MACROD2: variants seen among roughly 807,000 people sequenced by gnomAD.
MACROD2 encodes the protein ADP-ribose glycohydrolase MACROD2.
In MACROD2, 36 loss-of-function variants were observed where a neutral mutation model predicts 70.4. That is an observed-to-expected ratio of 0.51 (90% CI 0.39 to 0.68). MACROD2 has a LOEUF of 0.68. MACROD2 is among the 30% of genes least tolerant of loss of function. MACROD2 has a pLI of 0.00. For synonymous variants in MACROD2, 172 were observed against 178.8 expected (o/e 0.96, Z 0.30); for missense variants, 496 against 538.4 (o/e 0.92, Z 0.78).
At chr20:15,266,680 T>TCCCCATCACTCCCAG (rs1169281815) in intron 6 of MACROD2, among the ~76,000 whole-genome samples, 2 of 152,242 alleles carry the variant, frequency 1.3e-5, no homozygotes, top group Admixed American at 6.5e-5. Flanking sequence ...CACACTTCAG[T>TCCCCATCACTCCCAG]GAATCCCCAT....
chr20:15,131,260 G>A (rs764681148), intron 5 of MACROD2, among the ~76,000 whole-genome samples: 11 of 151,928 alleles, frequency 7.2e-5, no homozygotes, highest in Non-Finnish European at 1.3e-4. Context: ...GTAGAAACAA[G>A]GACACATTAT....
intron 2 of MACROD2, among the ~76,000 whole-genome samples, chr20:14,031,292 T>C (rs1473306674): frequency 1.3e-5 from 2 of 152,190 alleles, no homozygotes; most frequent in African/African-American, 2.4e-5. Context: ...TGAAGTACTT[T>C]TTATTTAAAA....
intron 3 of MACROD2, among the ~76,000 whole-genome samples, chr20:14,094,241 T>C (rs2054192293): frequency 6.6e-6 from 1 of 152,190 alleles, no homozygotes; most frequent in Non-Finnish European, 1.5e-5. Flanking sequence ...CCCTCTTTAA[T>C]GGTGGGATGA....
chr20:15,672,778 A>G (rs555567318), intron 8 of MACROD2, among the ~76,000 whole-genome samples: 1 of 152,170 alleles, frequency 6.6e-6, no homozygotes, highest in African/African-American at 2.4e-5. Flanking sequence ...TTGGCCACTG[A>G]TATGGTTTAG....
At chr20:14,785,403 A>T (rs527628281) in intron 5 of MACROD2, among the ~76,000 whole-genome samples, 15 of 151,808 alleles carry the variant, frequency 9.9e-5, no homozygotes, top group Non-Finnish European at 1.8e-4. Flanking sequence ...CTTTAATGGG[A>T]TGATAACCAG....
chr20:14,593,152 T>C (rs1732061814), intron 4 of MACROD2, among the ~76,000 whole-genome samples: 1 of 6,214 alleles, frequency 1.6e-4, no homozygotes, highest in Non-Finnish European at 6.8e-3. Context: ...AAGAAAGAAA[T>C]GATAAAACTT....
intron 5 of MACROD2, among the ~76,000 whole-genome samples, chr20:14,864,028 G>A (rs934248065): frequency 5.9e-5 from 9 of 152,006 alleles, no homozygotes; most frequent in African/African-American, 1.9e-4. Flanking sequence ...CATGATGTAG[G>A]CTATTTCCTG....
chr20:15,763,267 C>T (rs17704829), intron 8 of MACROD2, among the ~76,000 whole-genome samples: 11,935 of 152,240 alleles, frequency 0.078, 659 homozygotes, highest in Middle Eastern at 0.24. Context: ...CCTGATTGCG[C>T]TCAGTGGCAG....
chr20:14,944,782 C>T (rs76248342), intron 5 of MACROD2, among the ~76,000 whole-genome samples: 1 of 152,078 alleles, frequency 6.6e-6, no homozygotes, highest in African/African-American at 2.4e-5. Flanking sequence ...TCCAGGACAC[C>T]TTGCCCATAA....
chr20:14,915,330 A>G (rs921630740), intron 5 of MACROD2, among the ~76,000 whole-genome samples: 3 of 152,174 alleles, frequency 2.0e-5, no homozygotes, highest in Non-Finnish European at 4.4e-5. Flanking sequence ...CCACCAAATA[A>G]AGCTTAATGT....
intron 5 of MACROD2, among the ~76,000 whole-genome samples, chr20:15,151,234 C>G (rs200811376): frequency 6.6e-6 from 1 of 152,008 alleles, no homozygotes; most frequent in African/African-American, 2.4e-5. Context: ...ACGCGGCTTA[C>G]GAGGAATCCC....
chr20:15,694,204 G>T (rs1253808099), intron 8 of MACROD2, among the ~76,000 whole-genome samples: 1 of 152,100 alleles, frequency 6.6e-6, no homozygotes, highest in Non-Finnish European at 1.5e-5. Context: ...TTCAAATAAT[G>T]ACTTATTTTC....
chr20:14,991,080 G>A (rs1671930198), intron 5 of MACROD2, among the ~76,000 whole-genome samples: 1 of 152,030 alleles, frequency 6.6e-6, no homozygotes, highest in South Asian at 2.1e-4. Flanking sequence ...TTCTTGCCCT[G>A]TACACAGCTT....
chr20:14,616,978 A>T (rs1037342510), intron 4 of MACROD2, among the ~76,000 whole-genome samples: 4 of 152,154 alleles, frequency 2.6e-5, no homozygotes, highest in African/African-American at 9.6e-5. Context: ...TGAGAGTCTC[A>T]ATTTTATTGC....
At chr20:14,114,232 A>G (rs906341952) in intron 3 of MACROD2, among the ~76,000 whole-genome samples, 9 of 152,160 alleles carry the variant, frequency 5.9e-5, no homozygotes, top group African/African-American at 2.2e-4. Flanking sequence ...CACAGCTCAC[A>G]TTCTGACTCT....
intron 3 of MACROD2, among the ~76,000 whole-genome samples, chr20:14,166,847 C>T (rs2055276338): frequency 6.6e-6 from 1 of 152,178 alleles, no homozygotes. Flanking sequence ...TTCTTCTAGT[C>T]TACTCCCACC....
At chr20:14,889,313 G>A (rs977392116) in intron 5 of MACROD2, among the ~76,000 whole-genome samples, 9 of 152,072 alleles carry the variant, frequency 5.9e-5, no homozygotes, top group African/African-American at 2.2e-4. Context: ...TTATATTTTA[G>A]CAGGGAGGTA....
rs12625727 is a variant in MACROD2, at chr20:15,599,118, T to C, written c.645+99271T>C. ...AATTGAGGCCGGCCGTGGTGGCTCA[T>C]GCCTGTAATCTCAGCACTTTGGGAG... is the stretch of plus-strand genomic sequence containing the variant. On this transcript the variant is annotated intron_variant, in intron 8 of 17. Transcript: ENST00000684519. 2.0e-3 allele frequency among the ~76,000 whole-genome samples: 302 copies of C among 151,990 alleles called. 1 individual carries two copies. Among genetic ancestry groups the C allele is most frequent in the Admixed American group, 6.6e-3 (101 of 15,280 alleles).
At chr20:15,893,269 G>T (rs938295035) in intron 10 of MACROD2, among the ~76,000 whole-genome samples, 3 of 152,232 alleles carry the variant, frequency 2.0e-5, no homozygotes, top group African/African-American at 7.2e-5. Flanking sequence ...GCAAAAAATT[G>T]TAGGTAGTGC....
Sources: gnomAD v4.1 joint callset for allele counts (sites outside exome capture counted in the v4.1 genomes callset) on GRCh38, gnomAD v4.1.1 for gene constraint, MANE v1.5 for transcripts, NCBI Gene and HGNC (gene_info 2026-07-23, HGNC 2026-07-21) for gene names.